C1orf185: variants seen among roughly 807,000 people sequenced by gnomAD.
C1orf185 encodes chromosome 1 open reading frame 185, also known as uncharacterized protein C1orf185.
In C1orf185, 13 loss-of-function variants were observed where a neutral mutation model predicts 16.1. That is an observed-to-expected ratio of 0.81 (90% CI 0.53 to 1.28). The LOEUF (loss-of-function observed/expected upper bound fraction) is 1.28, where lower values mean the gene tolerates loss of function less well. C1orf185 is among the 50% of genes most tolerant of loss of function. The pLI, the probability that C1orf185 is intolerant of heterozygous loss-of-function variation, is 0.00. For missense variants in C1orf185, 220 were observed against 225.2 expected (o/e 0.98, Z 0.15); for synonymous variants, 80 against 76.9 (o/e 1.04, Z -0.21).
intron 3 of C1orf185, among the ~76,000 whole-genome samples, chr1:51,139,993 CA>C (rs1646353688): frequency 6.6e-6 from 1 of 152,292 alleles, no homozygotes; most frequent in African/African-American, 2.4e-5. Flanking sequence ...TAGAAGTGGT[CA>C]CTTCTGCTCA....
intron 3 of C1orf185, among the ~76,000 whole-genome samples, chr1:51,122,259 A>G (rs965466437): frequency 2.0e-5 from 3 of 152,220 alleles, no homozygotes; most frequent in Admixed American, 1.3e-4. Context: ...GGGTAAGTGC[A>G]TATTCAACCT....
At chr1:51,145,843 A>C (rs41286446) in intron 4 of C1orf185, 83 bp downstream of exon 4, 27,448 of 650,860 alleles carry the variant, frequency 0.042, 750 homozygotes, top group Non-Finnish European at 0.052. Context: ...GGCTATCCTA[A>C]ATGTCATCTA....
intron 3 of C1orf185, among the ~76,000 whole-genome samples, chr1:51,143,514 T>C (rs1309729295): frequency 4.6e-5 from 7 of 152,226 alleles, no homozygotes; most frequent in African/African-American, 9.6e-5. Context: ...CTTCTGTCTT[T>C]TTGATATGTT....
chr1:51,141,910 C>T (rs1646367238), intron 3 of C1orf185, among the ~76,000 whole-genome samples: 1 of 151,966 alleles, frequency 6.6e-6, no homozygotes, highest in Non-Finnish European at 1.5e-5. Context: ...TGGTTCACTG[C>T]AACCTCCGCA....
At chr1:51,151,457 GA>G (rs35525469), downstream of C1orf185, among the ~76,000 whole-genome samples, 4 of 151,354 alleles carry the variant, frequency 2.6e-5, no homozygotes, top group Admixed American at 6.6e-5. Context: ...GAGATCTTTT[GA>G]AAAAAAAGTA....
At chr1:51,103,123 T>C (rs1646043553) in intron 1 of C1orf185, among the ~76,000 whole-genome samples, 2 of 152,154 alleles carry the variant, frequency 1.3e-5, no homozygotes, top group Admixed American at 1.3e-4. Flanking sequence ...TGTTGAGTCT[T>C]GGCCAGGTAC....
chr1:51,150,923 C>G (rs549495353), downstream of C1orf185, among the ~76,000 whole-genome samples: 3 of 152,282 alleles, frequency 2.0e-5, no homozygotes, highest in East Asian at 5.8e-4. Context: ...GACGGTAATG[C>G]ATACCTGCCC....
intron 1 of C1orf185, among the ~76,000 whole-genome samples, chr1:51,109,645 G>T (rs1420282812): frequency 6.6e-6 from 1 of 151,960 alleles, no homozygotes; most frequent in African/African-American, 2.4e-5. Flanking sequence ...CCCACAAGAG[G>T]TTGTTCTTTC....
At chr1:51,139,373 G>C (rs1279196327) in intron 3 of C1orf185, among the ~76,000 whole-genome samples, 1 of 152,088 alleles carries the variant, frequency 6.6e-6, no homozygotes. Flanking sequence ...CAAAGCACTG[G>C]AATTACAGAC....
intron 3 of C1orf185, among the ~76,000 whole-genome samples, chr1:51,137,524 T>C (rs1646334020): frequency 6.6e-6 from 1 of 151,762 alleles, no homozygotes; most frequent in Non-Finnish European, 1.5e-5. Context: ...ACAGAGACTC[T>C]GTCTCAAAAA....
intron 2 of C1orf185, among the ~76,000 whole-genome samples, chr1:51,114,300 G>C (rs1225145676): frequency 1.3e-5 from 2 of 152,236 alleles, no homozygotes; most frequent in African/African-American, 4.8e-5. Flanking sequence ...TTCTAAACAA[G>C]GGGAATAGCA....
At chr1:51,143,165 T>C (rs1218902928) in intron 3 of C1orf185, among the ~76,000 whole-genome samples, 2 of 152,218 alleles carry the variant, frequency 1.3e-5, no homozygotes, top group African/African-American at 4.8e-5. Flanking sequence ...TTTTTACCCT[T>C]GCGATTAATA....
downstream of C1orf185, among the ~76,000 whole-genome samples, chr1:51,150,484 C>T (rs955341645): frequency 1.3e-5 from 2 of 152,108 alleles, no homozygotes; most frequent in Admixed American, 6.6e-5. Flanking sequence ...TGAGCCACCA[C>T]GCCTGGCCAT....
At chr1:51,105,347 T>C (rs116615521) in intron 1 of C1orf185, among the ~76,000 whole-genome samples, 5,907 of 151,784 alleles carry the variant, frequency 0.039, 398 homozygotes, top group African/African-American at 0.14. Flanking sequence ...CTATGCAGCC[T>C]TAAAAAAAAA....
At chr1:51,118,159 A>G (rs1163638623) in intron 2 of C1orf185, among the ~76,000 whole-genome samples, 1 of 152,192 alleles carries the variant, frequency 6.6e-6, no homozygotes, top group Non-Finnish European at 1.5e-5. Flanking sequence ...ACCTCAAGTG[A>G]TCCGCCCGCC....
chr1:51,126,801 C>G (rs960778583), intron 3 of C1orf185, among the ~76,000 whole-genome samples: 1 of 152,128 alleles, frequency 6.6e-6, no homozygotes, highest in Non-Finnish European at 1.5e-5. Context: ...TAGATTTCGC[C>G]AGTTTTTAAG....
Position 51,112,445 on chromosome 1 carries a change from T to G in C1orf185, c.17-19T>G. On this transcript the variant is annotated intron_variant, in intron 1 of 4. Coordinates refer to ENST00000371759, the MANE Select transcript of C1orf185 (RefSeq NM_001136508.2). Reference sequence around the variant, plus strand: ...AAAAATACATGCATGAAATAATCTTTTGTAATTTGTTTGTATAGGTTTTTT... The same window carrying G: ...AAAAATACATGCATGAAATAATCTTGTGTAATTTGTTTGTATAGGTTTTTT... 6.7e-7 allele frequency: 1 copy of G among 1,503,320 alleles called. No homozygotes were observed. The highest frequency in any genetic ancestry group is 9.0e-7 in the Non-Finnish European group (1 of 1,115,326). The allele number at this position is 1,503,320 out of a possible 1,614,324, so 93.1% of individuals were successfully genotyped here.
chr1:51,106,672 A>T (rs1646074508), intron 1 of C1orf185, among the ~76,000 whole-genome samples: 1 of 152,132 alleles, frequency 6.6e-6, no homozygotes, highest in African/African-American at 2.4e-5. Context: ...AGAAAAGCAG[A>T]AAAAGGAAAA....
chr1:51,102,323 A>G (rs1646037862), intron 1 of C1orf185, 74 bp downstream of exon 1: 1 of 703,396 alleles, frequency 1.4e-6, no homozygotes, highest in South Asian at 1.5e-5. Context: ...ACGAACAACC[A>G]GAAATCTATT....
Sources: allele counts gnomAD v4.1 joint callset (sites outside exome capture counted in the v4.1 genomes callset), GRCh38; gene constraint gnomAD v4.1.1; transcripts MANE v1.5; gene names NCBI Gene and HGNC (gene_info 2026-07-23, HGNC 2026-07-21).